The following BMS1 variants were observed in gnomAD, a reference collection of about 807,000 sequenced individuals.
BMS1 encodes the protein BMS1 ribosome biogenesis factor.
BMS1 carries 53 observed loss-of-function variants against 138.7 expected under a neutral mutation model. The ratio of observed to expected loss-of-function variants is 0.38; its 90% CI spans 0.31 to 0.48. The LOEUF is 0.48. Ranked by LOEUF, BMS1 falls within the 20% of genes least tolerant of loss-of-function variation. The probability of loss-of-function intolerance (pLI) is 0.97; values close to 1 mark genes in which losing one functional copy is unlikely to be tolerated. For synonymous variants in BMS1, 504 were observed against 539.9 expected (o/e 0.93, Z 0.92); for missense variants, 1,360 against 1,565.5 (o/e 0.87, Z 2.22).
In BMS1 at chr10:42,834,815, T is replaced by C. The variant is rs1329116196; in HGVS notation, c.*3719T>C. 4 of 152,132 alleles carry C rather than the reference T, an allele frequency of 2.6e-5. No individual in the cohort carries two copies. Among genetic ancestry groups the C allele is most frequent in the Non-Finnish European group, 5.9e-5 (4 of 68,008 alleles). The allele number at this position is 152,132 out of a possible 1,614,324, so 9.4% of individuals were successfully genotyped here. A position where few individuals can be genotyped will look rare whatever the true frequency, so the allele number is the denominator to read the frequency against. ...GGATGTGTCATACATTTAGACCAGG[T>C]GGCCTGTCCTGTAAATTTTTTTGAG... is the stretch of plus-strand genomic sequence containing the variant. On this transcript the variant is annotated 3_prime_UTR_variant, in exon 23 of 23. Transcript: ENST00000374518.
chr10:42,793,296 T>C (rs1589134761), intron 8 of BMS1, 152 bp downstream of exon 8: 3 of 712,322 alleles, frequency 4.2e-6, no homozygotes, highest in South Asian at 5.5e-5. Context: ...TGTAAATATA[T>C]AGGATAAAAA....
intron 2 of BMS1, 61 bp from the exon 3 acceptor site, chr10:42,785,420 CT>C: frequency 6.8e-7 from 1 of 1,467,242 alleles, no homozygotes; most frequent in Non-Finnish European, 9.1e-7. Context: ...AGGTTGATAC[CT>C]TTTACTCTAT....
chr10:42,792,387 A>G, intron 6 of BMS1, 106 bp from the exon 7 acceptor site: 1 of 1,458,462 alleles, frequency 6.9e-7, no homozygotes, highest in South Asian at 1.4e-5. Context: ...CTAGTTTTCT[A>G]AATGACGTGC....
intron 4 of BMS1, among the ~76,000 whole-genome samples, chr10:42,790,074 C>T (rs1438635054): frequency 2.0e-5 from 3 of 152,120 alleles, no homozygotes; most frequent in South Asian, 2.1e-4. Flanking sequence ...GCAACTTTTC[C>T]GTCCAGGGCC....
intron 12 of BMS1, among the ~76,000 whole-genome samples, chr10:42,801,416 CT>C (rs1315597634): frequency 6.6e-6 from 1 of 152,160 alleles, no homozygotes; most frequent in Non-Finnish European, 1.5e-5. Context: ...TATATACTGT[CT>C]CATTTCTCTT....
intron 13 of BMS1, among the ~76,000 whole-genome samples, chr10:42,807,561 C>G (rs576538986): frequency 6.6e-6 from 1 of 152,150 alleles, no homozygotes; most frequent in Non-Finnish European, 1.5e-5. Context: ...GCCTCGACCT[C>G]CTAGGCTCAA....
intron 3 of BMS1, among the ~76,000 whole-genome samples, chr10:42,786,252 T>C (rs1050041360): frequency 6.6e-6 from 1 of 152,222 alleles, no homozygotes; most frequent in African/African-American, 2.4e-5. Context: ...GCGAGTTTTC[T>C]CTTTTTCCTG....
chr10:42,829,360 A>C (rs1189285745), intron 21 of BMS1, among the ~76,000 whole-genome samples: 1 of 152,142 alleles, frequency 6.6e-6, no homozygotes, highest in Non-Finnish European at 1.5e-5. Flanking sequence ...ATTTAAGATT[A>C]CCTTGAAAAT....
Position 42,797,245 on chromosome 10 carries a change from T to C in BMS1, c.1987+14T>C, listed in dbSNP as rs200997590. Reference sequence around the variant, plus strand: ...AAGAAACGTCAGGTAAGCTTAAATGTAGTTGGTTGCTGCTATGAACTTGGC... The same window carrying C: ...AAGAAACGTCAGGTAAGCTTAAATGCAGTTGGTTGCTGCTATGAACTTGGC... On this transcript the variant is annotated intron_variant, in intron 10 of 22. Coordinates refer to ENST00000374518, the MANE Select transcript of BMS1 (RefSeq NM_014753.4). The C allele has an allele frequency of 4.4e-5, 70 of 1,595,912 alleles. No homozygotes were observed. In the African/African-American group the frequency reaches 8.5e-4, roughly 19 times the overall value.
chr10:42,798,423 G>A (rs1841761790), intron 11 of BMS1, 45 bp from the exon 12 acceptor site: 1 of 1,612,226 alleles, frequency 6.2e-7, no homozygotes, highest in Admixed American at 1.7e-5. Flanking sequence ...GTCCTCTAGG[G>A]CTGTAATTTT....
chr10:42,807,141 C>T (rs1297707742), intron 13 of BMS1, among the ~76,000 whole-genome samples: 2 of 152,108 alleles, frequency 1.3e-5, no homozygotes, highest in Non-Finnish European at 2.9e-5. Flanking sequence ...CGGAGCAGTT[C>T]CATCACAAGG....
intron 13 of BMS1, among the ~76,000 whole-genome samples, chr10:42,805,830 C>T (rs1841996806): frequency 6.6e-6 from 1 of 152,090 alleles, no homozygotes; most frequent in Non-Finnish European, 1.5e-5. Flanking sequence ...GACAGAGTCT[C>T]GCTCTGTCAC....
rs1481316143 is a variant in BMS1, at chr10:42,816,800, G to T, written c.2403+128G>T. On this transcript the variant is annotated intron_variant, in intron 14 of 22. Coordinates refer to ENST00000374518, the MANE Select transcript of BMS1 (RefSeq NM_014753.4). Reference sequence around the variant, plus strand: ...GGATAGATAGATTCCTTCCTAAAGGGTGGGGATGTGGGGACCAAAGAGAAG... The same window carrying T: ...GGATAGATAGATTCCTTCCTAAAGGTTGGGGATGTGGGGACCAAAGAGAAG... 1.2e-5 allele frequency: 8 copies of T among 664,188 alleles called. No homozygotes were observed. The South Asian group carries it at 1.9e-4, about 16-fold the overall frequency. 41.1% of individuals were successfully genotyped at this position (664,188 alleles called of 1,614,324 possible). A position where few individuals can be genotyped will look rare whatever the true frequency, so the allele number is the denominator to read the frequency against.
At chr10:42,790,115 A>G (rs1291267060) in intron 4 of BMS1, among the ~76,000 whole-genome samples, 1 of 152,234 alleles carries the variant, frequency 6.6e-6, no homozygotes, top group Non-Finnish European at 1.5e-5. Context: ...TTTGTGGATC[A>G]TATCTTCTGC....
rs774325018 is a variant in BMS1 at position 42,831,107 on chromosome 10, T to C, written c.*11T>C. 1 of 1,553,538 alleles carries C rather than the reference T, an allele frequency of 6.4e-7. No individual in the cohort carries two copies. The highest frequency in any genetic ancestry group is 1.4e-5 in the African/African-American group (1 of 73,198). ...GGCCAATTGCAGTGAGCCTTTGGAC[T>C]GGAGGGACTGTCCCTGGATCTGCGG... On this transcript the variant is annotated 3_prime_UTR_variant, in exon 23 of 23. Coordinates refer to ENST00000374518, the MANE Select transcript of BMS1 (RefSeq NM_014753.4).
rs575510299 is a variant in BMS1 at position 42,829,260 on chromosome 10, G to A, written c.3457-1001G>A. On this transcript the variant is annotated intron_variant, in intron 21 of 22. Transcript: ENST00000374518. ...CCAGGGGCAGAGGTTGCAGTGAGCC[G>A]AGATCATGCCACTGCACTCTAGCCT... Among the ~76,000 whole-genome samples, 102 of 151,962 alleles carry A rather than the reference G, an allele frequency of 6.7e-4. No homozygotes were observed. In the Middle Eastern group the frequency reaches 0.027, roughly 41 times the overall value.
intron 14 of BMS1, 46 bp downstream of exon 14, chr10:42,816,718 G>C (rs750340036): frequency 1.3e-6 from 2 of 1,492,604 alleles, no homozygotes; most frequent in Non-Finnish European, 1.8e-6. Flanking sequence ...TGTGTTCTGA[G>C]AGAGGCCCAC....
At chr10:42,810,675 A>G (rs570088032) in intron 13 of BMS1, among the ~76,000 whole-genome samples, 7 of 152,082 alleles carry the variant, frequency 4.6e-5, no homozygotes, top group Non-Finnish European at 8.8e-5. Context: ...TTATTTCTTT[A>G]ATGGTTATAG....
chr10:42,789,593 T>C (rs1187329384), intron 4 of BMS1, among the ~76,000 whole-genome samples: 1 of 42,142 alleles, frequency 2.4e-5, no homozygotes, highest in Non-Finnish European at 4.1e-5. Flanking sequence ...AATCTTACTG[T>C]TTTTTTTTTT....
Sources: gnomAD v4.1 joint callset for allele counts (sites outside exome capture counted in the v4.1 genomes callset) on GRCh38, gnomAD v4.1.1 for gene constraint, MANE v1.5 for transcripts, NCBI Gene and HGNC (gene_info 2026-07-23, HGNC 2026-07-21) for gene names.